Variants in MAX observed in about 807,000 individuals in gnomAD.
MAX encodes the protein MYC associated transcriptional regulator X, also known as protein max.
In MAX, 3 loss-of-function variants were observed where a neutral mutation model predicts 22.3. The observed-to-expected ratio is 0.13, with a 90% CI of 0.06 to 0.35. The LOEUF (loss-of-function observed/expected upper bound fraction) is 0.35. Ranked by LOEUF, MAX falls within the 10% of genes least tolerant of loss-of-function variation. The pLI is 1.00. For synonymous variants in MAX, 72 were observed against 77.7 expected (o/e 0.93, Z 0.39); for missense variants, 119 against 209.4 (o/e 0.57, Z 2.66).
At chr14:65,095,567 A>C (rs2139905351) in intron 2 of MAX, among the ~76,000 whole-genome samples, 1 of 152,336 alleles carries the variant, frequency 6.6e-6, no homozygotes, top group Non-Finnish European at 1.5e-5. Context: ...CTGATCATCT[A>C]CATAAAGATA....
Position 65,076,661 on chromosome 14 carries a change from G to A in MAX, c.298C>T (p.Arg100Cys), listed in dbSNP as rs762084527. Residue 100 changes from arginine to cysteine, a missense_variant and splice_region_variant, in exon 5 of 5, where the codon CGT (arginine) becomes TGT (cysteine). This residue lies in a region of MAX where 95 missense variants were observed against 148.1 expected (regional missense o/e 0.64). Coordinates refer to ENST00000358664, the MANE Select transcript of MAX (RefSeq NM_002382.5). The surrounding 1 kb of genome is among the most constrained non-coding windows in gnomAD (Gnocchi z 6.6). ...RQNALLEQQV[R>C]ALEKARSSAQ... is the part of the protein sequence containing the mutation. ...CTTGACCTCGCCTTCTCCAGTGCAC[G>A]GACTAAAAGGCAACCAAGGGAGTGT... 3.7e-6 allele frequency: 6 copies of A among 1,614,048 alleles called. No homozygotes were observed. The highest frequency in any genetic ancestry group is 5.1e-6 in the Non-Finnish European group (6 of 1,180,034).
Position 65,069,345 on chromosome 14 carries a change from G to A in MAX, c.171+24363C>T, listed in dbSNP as rs146065945. 5.9e-5 allele frequency among the ~76,000 whole-genome samples: 9 copies of A among 152,296 alleles called. No individual in the cohort carries two copies. The highest frequency in any genetic ancestry group is 3.9e-4 in the East Asian group (2 of 5,176). On this transcript the variant is annotated intron_variant, in intron 3 of 3. Coordinates refer to the MAX transcript ENST00000341653. This position sits in a 1 kb window ranked among gnomAD's most constrained non-coding sequence, Gnocchi z 4.6. ...AGAGCCCATCAAGAGCTTGAGAAGC[G>A]ATGACCTGGTGGCCCTGCCCCTCCC... is the stretch of plus-strand genomic sequence containing the variant.
At position 65,023,874 on chromosome 14, in the gene MAX, G is replaced by A. The variant is rs959789348; in HGVS notation, c.172-17590C>T. 6.6e-6 allele frequency among the ~76,000 whole-genome samples: 1 copy of A among 152,120 alleles called. No individual in the cohort carries two copies. Among genetic ancestry groups the A allele is most frequent in the African/African-American group, 2.4e-5 (1 of 41,402 alleles). ...CTAGCACTTTGGGAGGCCAAGGCGG[G>A]CGGATTGTCTGAGCTCGGGAGTTCG... is the stretch of plus-strand genomic sequence containing the variant. On this transcript the variant is annotated intron_variant, in intron 3 of 3. Transcript: ENST00000341653. The surrounding 1 kb of genome is among the most constrained non-coding windows in gnomAD (Gnocchi z 4.1).
Position 65,031,467 on chromosome 14 carries a change from G to A in MAX, c.172-25183C>T, listed in dbSNP as rs113392881. On this transcript the variant is annotated intron_variant, in intron 3 of 3. Transcript: ENST00000341653. The surrounding 1 kb of genome is among the most constrained non-coding windows in gnomAD (Gnocchi z 4.6). ...CAAGTAGTTGGGACTACGGGCACAC[G>A]CCACCATGCCCAGCTAATTTTTGTG... 0.018 allele frequency among the ~76,000 whole-genome samples: 2,680 copies of A among 151,998 alleles called. 36 individuals are homozygous for A. Among genetic ancestry groups the A allele is most frequent in the Middle Eastern group, 0.037 (11 of 294 alleles).
At chr14:65,081,619 T>C (rs1467988232) in intron 3 of MAX, among the ~76,000 whole-genome samples, 1 of 152,252 alleles carries the variant, frequency 6.6e-6, no homozygotes, top group African/African-American at 2.4e-5. Context: ...CCTATCTTCA[T>C]GTGAGTGTGA....
rs1336681104 is a variant in MAX, at chr14:65,014,911, A to G, written c.172-8627T>C. ...GATACTATCAAATATTTGTTGAATC[A>G]GTGATTGAGTTAAGCTAGGAAATCT... On this transcript the variant is annotated intron_variant, in intron 3 of 3. Coordinates refer to the MAX transcript ENST00000341653. This position sits in a 1 kb window ranked among gnomAD's most constrained non-coding sequence, Gnocchi z 5.1. 2.0e-5 allele frequency among the ~76,000 whole-genome samples: 3 copies of G among 152,098 alleles called. No individual in the cohort carries two copies. The highest frequency in any genetic ancestry group is 4.4e-5 in the Non-Finnish European group (3 of 67,998).
chr14:65,008,731 C>G (rs186619490), intron 3 of MAX, among the ~76,000 whole-genome samples: 5 of 152,208 alleles, frequency 3.3e-5, no homozygotes, highest in African/African-American at 9.6e-5. Flanking sequence ...GACCAGAGCT[C>G]AGGGGCGGAG....
intron 3 of MAX, among the ~76,000 whole-genome samples, chr14:65,006,612 AC>A (rs35715662): frequency 6.6e-6 from 1 of 151,842 alleles, no homozygotes; most frequent in Non-Finnish European, 1.5e-5. Flanking sequence ...TTGTGGTTGT[AC>A]CCCCGATGAC....
chr14:65,091,918 A>C (rs1292303680), intron 3 of MAX: 1 of 152,216 alleles, frequency 6.6e-6, no homozygotes, highest in Non-Finnish European at 1.5e-5. Flanking sequence ...CCTGGCATGT[A>C]GCAGACCCTC....
At chr14:65,051,072 G>A (rs1420284272) in intron 3 of MAX, among the ~76,000 whole-genome samples, 5 of 152,210 alleles carry the variant, frequency 3.3e-5, no homozygotes, top group Non-Finnish European at 7.3e-5. Flanking sequence ...AAAGCATGTG[G>A]CCTGCAGCCA....
intron 3 of MAX, among the ~76,000 whole-genome samples, chr14:65,033,745 T>A (rs111955910): frequency 0.011 from 1,683 of 152,196 alleles, 28 homozygotes; most frequent in East Asian, 0.087. Context: ...TAGTCCCAGC[T>A]ACTCGGGAAG....
chr14:65,037,714 C>G, intron 3 of MAX, among the ~76,000 whole-genome samples: 1 of 148,626 alleles, frequency 6.7e-6, no homozygotes, highest in Non-Finnish European at 1.5e-5. Context: ...TGTGAGCCAC[C>G]ATGCCCAGCC....
rs569005973 is a variant in MAX, at chr14:65,030,290, T to C, written c.172-24006A>G. ...CATTTGGCATTGGCACTTGTGACTC[T>C]TGTGTGCTCCCAATGCCTGCTGGTG... On this transcript the variant is annotated intron_variant, in intron 3 of 3. Transcript: ENST00000341653. This position sits in a 1 kb window ranked among gnomAD's most constrained non-coding sequence, Gnocchi z 4.5. Among the ~76,000 whole-genome samples, 102 of 152,354 alleles carry C rather than the reference T, an allele frequency of 6.7e-4. 3 individuals carry two copies. In the South Asian group the frequency reaches 0.02, roughly 30 times the overall value.
In MAX at chr14:65,086,439, T is replaced by C. The variant is rs372961516; in HGVS notation, c.171+7269A>G. 8.1e-4 allele frequency among the ~76,000 whole-genome samples: 124 copies of C among 152,328 alleles called. 4 individuals carry two copies. The South Asian group carries it at 0.025, about 31-fold the overall frequency. On this transcript the variant is annotated intron_variant, in intron 3 of 4. Transcript: ENST00000358664. ...TGTTGAATGGCTTTGCCCAAAATGC[T>C]GATAATGATATGGACAATAAAGTCC...
intron 3 of MAX, among the ~76,000 whole-genome samples, chr14:65,035,511 T>G (rs1411537808): frequency 1.3e-5 from 2 of 152,084 alleles, no homozygotes; most frequent in Non-Finnish European, 2.9e-5. Flanking sequence ...TCTTCCTTCT[T>G]TCTTCCTCTG....
rs562123019 is a variant in MAX at position 65,084,225 on chromosome 14, G to T, written c.172-6189C>A. ...TCTTGTGCACTTGGTAGCTTGAAATGAAGGTGTGGCATTTCTGCATCAAAC... is the reference window on the plus strand; with the variant it reads ...TCTTGTGCACTTGGTAGCTTGAAATTAAGGTGTGGCATTTCTGCATCAAAC... On this transcript the variant is annotated intron_variant, in intron 3 of 4. Transcript: ENST00000358664. The surrounding 1 kb of genome is among the most constrained non-coding windows in gnomAD (Gnocchi z 4.3). The T allele has an allele frequency of 2.5e-6, 4 of 1,614,162 alleles. No homozygotes were observed. In the African/African-American group the frequency reaches 5.3e-5, roughly 22 times the overall value.
Position 65,032,687 on chromosome 14 carries a change from G to A in MAX, c.172-26403C>T. 6.2e-7 allele frequency: 1 copy of A among 1,613,514 alleles called. No homozygotes were observed. Among genetic ancestry groups the A allele is most frequent in the Non-Finnish European group, 8.5e-7 (1 of 1,179,892 alleles). ...GACCTCTTTGAGGGCACTGCTGAATGGATAGCAAGGTGAGAGAAGCCAGGG... is the reference window on the plus strand; with the variant it reads ...GACCTCTTTGAGGGCACTGCTGAATAGATAGCAAGGTGAGAGAAGCCAGGG... On this transcript the variant is annotated intron_variant, in intron 3 of 3. Transcript: ENST00000341653. The surrounding 1 kb of genome is among the most constrained non-coding windows in gnomAD (Gnocchi z 5.0).
In MAX at chr14:65,075,683, T is replaced by C. The variant is rs1225419134; in HGVS notation, c.*793A>G. 9.4e-7 allele frequency: 1 copy of C among 1,066,312 alleles called. No homozygotes were observed. The highest frequency in any genetic ancestry group is 1.6e-5 in the African/African-American group (1 of 61,086). 66.1% of individuals were successfully genotyped at this position (1,066,312 alleles called of 1,614,324 possible). On this transcript the variant is annotated 3_prime_UTR_variant, in exon 5 of 5. Coordinates refer to ENST00000358664, the MANE Select transcript of MAX (RefSeq NM_002382.5). The surrounding 1 kb of genome is among the most constrained non-coding windows in gnomAD (Gnocchi z 4.1). Reference sequence around the variant, plus strand: ...CATCACTGGCCCTCAATACAAAACCTCTATGCCACCCAAAACACCCTCCCT... The same window carrying C: ...CATCACTGGCCCTCAATACAAAACCCCTATGCCACCCAAAACACCCTCCCT...
At chr14:65,053,605 G>A (rs1003494976) in intron 3 of MAX, among the ~76,000 whole-genome samples, 4 of 129,968 alleles carry the variant, frequency 3.1e-5, no homozygotes, top group African/African-American at 1.6e-4. Flanking sequence ...AGATTGCTGG[G>A]TAGATAACTC....
Sources: allele counts gnomAD v4.1 joint callset (sites outside exome capture counted in the v4.1 genomes callset), GRCh38; gene constraint gnomAD v4.1.1; regional missense constraint gnomAD v4.1.1; non-coding constraint Gnocchi (gnomAD v3.1); transcripts MANE v1.5; gene names NCBI Gene and HGNC (gene_info 2026-07-23, HGNC 2026-07-21).